ADARB2: variants seen among roughly 807,000 people sequenced by gnomAD.
ADARB2 encodes the protein adenosine deaminase RNA specific B2 (inactive), also known as inactive double-stranded RNA-specific editase B2.
Under a neutral mutation model 62.2 loss-of-function variants are expected in ADARB2, and 25 were observed. That is an observed-to-expected ratio of 0.40 (90% CI 0.29 to 0.56). The LOEUF (loss-of-function observed/expected upper bound fraction) is 0.56, where lower values mean the gene tolerates loss of function less well. Ranked by LOEUF, ADARB2 falls within the 20% of genes least tolerant of loss-of-function variation. ADARB2 has a pLI of 0.43. For synonymous variants in ADARB2, 572 were observed against 500.8 expected, an observed-to-expected ratio of 1.14 and a Z score of -1.90; for missense variants, 1,071 against 1,077.4, an observed-to-expected ratio of 0.99 and a Z score of 0.08.
intron 5 of ADARB2, 22 bp from the exon 6 acceptor site, chr10:1,233,867 G>C: frequency 1.2e-6 from 2 of 1,607,366 alleles, no homozygotes; most frequent in East Asian, 2.2e-5. Context: ...AAGAGGTTTG[G>C]GGTCATTTAT....
At chr10:1,672,707 C>CGCGCCTGCCTCCTCCACGCA (rs1834406239) in intron 1 of ADARB2, among the ~76,000 whole-genome samples, 1 of 108,622 alleles carries the variant, frequency 9.2e-6, no homozygotes, top group African/African-American at 2.8e-5. Flanking sequence ...TTCCAGGCCC[C>CGCGCCTGCCTCCTCCACGCA]CCGCCTGCCT....
intron 1 of ADARB2, among the ~76,000 whole-genome samples, chr10:1,396,008 A>G (rs1320793520): frequency 6.6e-6 from 1 of 152,172 alleles, no homozygotes; most frequent in African/African-American, 2.4e-5. Flanking sequence ...CTCTGAGTCC[A>G]TGTTTCTTCA....
At chr10:1,419,525 C>T (rs971080870) in intron 1 of ADARB2, among the ~76,000 whole-genome samples, 2 of 152,196 alleles carry the variant, frequency 1.3e-5, no homozygotes, top group Non-Finnish European at 2.9e-5. Context: ...TATAGCAAAA[C>T]CACGGGCCAC....
intron 1 of ADARB2, among the ~76,000 whole-genome samples, chr10:1,434,894 TC>T (rs1377221489): frequency 3.9e-5 from 6 of 152,226 alleles, no homozygotes; most frequent in Admixed American, 1.3e-4. Context: ...CTGCTCCTTC[TC>T]CCTGTAACCA....
chr10:1,271,616 G>C (rs1009755759), intron 3 of ADARB2, among the ~76,000 whole-genome samples: 1 of 151,904 alleles, frequency 6.6e-6, no homozygotes, highest in Non-Finnish European at 1.5e-5. Context: ...GTGCACACAC[G>C]AATATGCACA....
chr10:1,587,680 T>C (rs1012259276), intron 1 of ADARB2, among the ~76,000 whole-genome samples: 1 of 152,232 alleles, frequency 6.6e-6, no homozygotes, highest in African/African-American at 2.4e-5. Flanking sequence ...TTTTTTTCTG[T>C]GCTAAACAAT....
intron 1 of ADARB2, among the ~76,000 whole-genome samples, chr10:1,532,926 G>A (rs890167173): frequency 2.6e-5 from 4 of 152,068 alleles, no homozygotes; most frequent in African/African-American, 9.7e-5. Context: ...CCTCACCTGC[G>A]GGCATCCAGC....
rs754275434 is a variant in ADARB2, at chr10:1,199,947, C to T, written c.1864+19G>A. 1 of 1,500,468 alleles carries T rather than the reference C, an allele frequency of 6.7e-7. No individual in the cohort carries two copies. Among genetic ancestry groups the T allele is most frequent in the Non-Finnish European group, 8.9e-7 (1 of 1,126,434 alleles). The allele number at this position is 1,500,468 out of a possible 1,614,324, so 92.9% of individuals were successfully genotyped here. The stretch of plus-strand genomic sequence containing the variant: ...GTGGTGGGAAGGAGGTGGAGGGCCC[C>T]CGGGAAGGGGGTTCTTACCGCTGAG... On this transcript the variant is annotated intron_variant, in intron 8 of 9. Coordinates refer to ENST00000381312, the MANE Select transcript of ADARB2 (RefSeq NM_018702.4).
At chr10:1,594,645 A>G (rs993095713) in intron 1 of ADARB2, among the ~76,000 whole-genome samples, 6 of 151,804 alleles carry the variant, frequency 4.0e-5, no homozygotes, top group African/African-American at 1.5e-4. Flanking sequence ...AGAAACGCCC[A>G]CTCCTCGTTT....
chr10:1,669,439 T>C (rs1360996031), intron 1 of ADARB2, among the ~76,000 whole-genome samples: 2 of 146,742 alleles, frequency 1.4e-5, no homozygotes, highest in Non-Finnish European at 3.0e-5. Context: ...CACAGACACA[T>C]GCAGACACAC....
chr10:1,633,643 A>G (rs948620511), intron 1 of ADARB2, among the ~76,000 whole-genome samples: 1 of 134,982 alleles, frequency 7.4e-6, no homozygotes, highest in Non-Finnish European at 1.7e-5. Context: ...CCATCCATCT[A>G]TCATACTGGT....
At chr10:1,229,702 TTATG>T (rs1830782960) in intron 6 of ADARB2, among the ~76,000 whole-genome samples, 1 of 151,300 alleles carries the variant, frequency 6.6e-6, no homozygotes, top group South Asian at 2.1e-4. Flanking sequence ...GCACATGTGC[TTATG>T]TATGCGTGTT....
intron 1 of ADARB2, among the ~76,000 whole-genome samples, chr10:1,703,604 C>A (rs964699381): frequency 6.6e-6 from 1 of 152,096 alleles, no homozygotes; most frequent in African/African-American, 2.4e-5. Context: ...GATTTTGCAT[C>A]AAATAGGATA....
chr10:1,185,166 A>C, intron 8 of ADARB2, 127 bp from the exon 9 acceptor site: 1 of 1,256,570 alleles, frequency 8.0e-7, no homozygotes, highest in Non-Finnish European at 1.1e-6. Flanking sequence ...CATCCTCAGG[A>C]CTGGCCAGTT....
At chr10:1,466,537 G>A (rs10903461) in intron 1 of ADARB2, among the ~76,000 whole-genome samples, 56,314 of 151,914 alleles carry the variant, frequency 0.37, 10,725 homozygotes, top group Admixed American at 0.5. Flanking sequence ...GAATCCTGGG[G>A]TGGGAACCTC....
rs533204926 is a variant in ADARB2 at position 1,540,904 on chromosome 10, C to G, written c.101-161744G>C. Among the ~76,000 whole-genome samples the G allele has an allele frequency of 6.5e-4, 44 of 67,606 alleles. 13 individuals carry two copies. Among genetic ancestry groups the G allele is most frequent in the Non-Finnish European group, 1.1e-3 (36 of 32,788 alleles). The allele number at this position is 67,606 out of a possible 152,430, so 44.4% of individuals were successfully genotyped here. ...GGATCACAGCCGTCCAGACCCCACTCAGATGTAGTTCAGACCCTGGATCCG... is the reference window on the plus strand; with the variant it reads ...GGATCACAGCCGTCCAGACCCCACTGAGATGTAGTTCAGACCCTGGATCCG... On this transcript the variant is annotated intron_variant, in intron 1 of 9. Transcript: ENST00000381312.
intron 1 of ADARB2, among the ~76,000 whole-genome samples, chr10:1,645,012 G>T (rs2119063707): frequency 6.6e-6 from 1 of 152,338 alleles, no homozygotes; most frequent in African/African-American, 2.4e-5. Context: ...TGGCTAAGGA[G>T]GGTGTTTATG....
At chr10:1,468,360 G>A (rs1831283515) in intron 1 of ADARB2, among the ~76,000 whole-genome samples, 1 of 152,160 alleles carries the variant, frequency 6.6e-6, no homozygotes, top group Non-Finnish European at 1.5e-5. Context: ...GGTCCCTGAT[G>A]AGAATGGCCT....
intron 1 of ADARB2, among the ~76,000 whole-genome samples, chr10:1,596,544 G>C (rs990735886): frequency 6.6e-6 from 1 of 152,194 alleles, no homozygotes; most frequent in Non-Finnish European, 1.5e-5. Flanking sequence ...CCCTGGAGAG[G>C]CCCCATCAGG....
Sources: gnomAD v4.1 joint callset for allele counts (sites outside exome capture counted in the v4.1 genomes callset) on GRCh38, gnomAD v4.1.1 for gene constraint, MANE v1.5 for transcripts, NCBI Gene and HGNC (gene_info 2026-07-23, HGNC 2026-07-21) for gene names.